The following NIBAN1 variants were observed in gnomAD, a reference collection of about 807,000 sequenced individuals.
NIBAN1 encodes niban apoptosis regulator 1, also known as protein Niban 1.
In NIBAN1, 81 loss-of-function variants were observed where a neutral mutation model predicts 75.1. The observed-to-expected ratio is 1.08, with a 90% CI of 0.90 to 1.30. The LOEUF is 1.30. Ranked by LOEUF, NIBAN1 falls within the 50% of genes most tolerant of loss-of-function variation. The pLI is 0.00. For missense variants in NIBAN1, 1,133 were observed against 1,128.1 expected, an observed-to-expected ratio of 1.00 and a Z score of -0.06; for synonymous variants, 436 against 424.8, an observed-to-expected ratio of 1.03 and a Z score of -0.32.
At chr1:184,898,008 T>C (rs550156213) in intron 2 of NIBAN1, among the ~76,000 whole-genome samples, 4 of 152,286 alleles carry the variant, frequency 2.6e-5, no homozygotes, top group African/African-American at 9.6e-5. Flanking sequence ...TAAAATTATA[T>C]GCCACTCTGT....
rs1558093440 is a variant in NIBAN1 at position 184,795,996 on chromosome 1, T to TG, written c.1767dup (p.Thr590HisfsTer22). On this transcript the variant is annotated frameshift_variant, in exon 14 of 14. Coordinates refer to ENST00000367511, the MANE Select transcript of NIBAN1 (RefSeq NM_052966.4). LOFTEE classifies it low-confidence loss of function (END_TRUNC). ...GCAGGGCTGGCCTGGTTTGACCCTG[T>TG]GGGGGGCTTTAGATCTGTTAAGCTG... 6.2e-7 allele frequency: 1 copy of TG among 1,613,648 alleles called. No homozygotes were observed. Among genetic ancestry groups the TG allele is most frequent in the East Asian group, 2.2e-5 (1 of 44,876 alleles).
rs1653697017 is a variant in NIBAN1, at chr1:184,791,570, A to C, written c.*3407T>G. On this transcript the variant is annotated 3_prime_UTR_variant, in exon 14 of 14. Transcript: ENST00000367511. ...CTCTGCTTAAAGCTACAAGGGAAAA[A>C]ATGACAAGCCCAGTTTTTTTCAAGG... 1 of 152,084 alleles carries C rather than the reference A, an allele frequency of 6.6e-6. No homozygotes were observed. The highest frequency in any genetic ancestry group is 1.5e-5 in the Non-Finnish European group (1 of 68,034). 9.4% of individuals were successfully genotyped at this position (152,084 alleles called of 1,614,324 possible).
chr1:184,961,223 C>T (rs935660758), intron 1 of NIBAN1, among the ~76,000 whole-genome samples: 2 of 151,928 alleles, frequency 1.3e-5, no homozygotes, highest in Admixed American at 6.6e-5. Flanking sequence ...CGCCTGCCGC[C>T]ACGCCTGGCT....
chr1:184,972,324 G>T (rs1340614224), intron 1 of NIBAN1, among the ~76,000 whole-genome samples: 1 of 152,102 alleles, frequency 6.6e-6, no homozygotes, highest in Non-Finnish European at 1.5e-5. Flanking sequence ...TAAAAAATGG[G>T]CAAAGAGGTA....
At chr1:184,953,728 G>C (rs895657885) in intron 1 of NIBAN1, among the ~76,000 whole-genome samples, 2 of 152,156 alleles carry the variant, frequency 1.3e-5, no homozygotes, top group Non-Finnish European at 2.9e-5. Flanking sequence ...GGAGTTTCTC[G>C]TGGAAGTGCC....
intron 9 of NIBAN1, among the ~76,000 whole-genome samples, chr1:184,817,502 A>G (rs567145909): frequency 5.2e-4 from 79 of 152,302 alleles, no homozygotes; most frequent in African/African-American, 1.7e-3. Flanking sequence ...GTGTAAAAGC[A>G]TTCCTATTTC....
intron 8 of NIBAN1, among the ~76,000 whole-genome samples, chr1:184,819,161 T>C (rs1654623551): frequency 6.6e-6 from 1 of 152,196 alleles, no homozygotes; most frequent in Non-Finnish European, 1.5e-5. Context: ...TCAATCACTA[T>C]CATTAAATAT....
Position 184,791,370 on chromosome 1 carries a change from C to A in NIBAN1, c.*3607G>T, listed in dbSNP as rs1227209291. 2 of 157,146 alleles carry A rather than the reference C, an allele frequency of 1.3e-5. No homozygotes were observed. The highest frequency in any genetic ancestry group is 2.4e-5 in the African/African-American group (1 of 41,444). 9.7% of individuals were successfully genotyped at this position (157,146 alleles called of 1,614,324 possible). On this transcript the variant is annotated 3_prime_UTR_variant, in exon 14 of 14. Transcript: ENST00000367511. The stretch of plus-strand genomic sequence containing the variant: ...CTTTTGTCTTGGGGAATTGTGAAAC[C>A]TTTTGAAATCACTAGCTCTGACATA...
intron 5 of NIBAN1, among the ~76,000 whole-genome samples, chr1:184,867,580 T>A (rs1009700759): frequency 1.3e-5 from 2 of 152,190 alleles, no homozygotes; most frequent in Non-Finnish European, 1.5e-5. Flanking sequence ...TAAGGTTACA[T>A]CCTGCTTGAC....
chr1:184,926,492 C>A (rs1311407985), intron 1 of NIBAN1, among the ~76,000 whole-genome samples: 1 of 152,202 alleles, frequency 6.6e-6, no homozygotes, highest in Non-Finnish European at 1.5e-5. Flanking sequence ...TCCACCTTGG[C>A]CTCCCAGAGT....
At chr1:184,971,309 T>C (rs1658930159) in intron 1 of NIBAN1, among the ~76,000 whole-genome samples, 1 of 151,376 alleles carries the variant, frequency 6.6e-6, no homozygotes, top group Admixed American at 6.6e-5. Flanking sequence ...AAAGAAAACA[T>C]GGCATAAAGA....
At chr1:184,951,604 C>T (rs1455309716) in intron 1 of NIBAN1, among the ~76,000 whole-genome samples, 1 of 152,054 alleles carries the variant, frequency 6.6e-6, no homozygotes, top group Non-Finnish European at 1.5e-5. Flanking sequence ...ACCATGTCTC[C>T]CTACCTCCAG....
intron 5 of NIBAN1, among the ~76,000 whole-genome samples, chr1:184,841,431 C>A (rs545201642): frequency 1.3e-5 from 2 of 152,290 alleles, no homozygotes; most frequent in African/African-American, 4.8e-5. Flanking sequence ...CTCCTCTGAG[C>A]TCATCATTCC....
At chr1:184,905,587 C>T (rs796807562) in intron 1 of NIBAN1, among the ~76,000 whole-genome samples, 3 of 152,140 alleles carry the variant, frequency 2.0e-5, no homozygotes, top group African/African-American at 7.2e-5. Flanking sequence ...CTTCTCTCCT[C>T]CTTTCTCCCC....
chr1:184,820,760 T>C (rs1416201637), intron 8 of NIBAN1, among the ~76,000 whole-genome samples: 1 of 152,230 alleles, frequency 6.6e-6, no homozygotes, highest in Non-Finnish European at 1.5e-5. Flanking sequence ...CACAACTAGC[T>C]CTGGAATCTC....
intron 5 of NIBAN1, among the ~76,000 whole-genome samples, chr1:184,883,608 G>T (rs1173575417): frequency 6.6e-6 from 1 of 152,222 alleles, no homozygotes; most frequent in African/African-American, 2.4e-5. Flanking sequence ...CATTGCTTAA[G>T]TCCATGCCTG....
At chr1:184,867,809 G>C (rs181749310) in intron 5 of NIBAN1, 3 of 962,702 alleles carry the variant, frequency 3.1e-6, no homozygotes, top group African/African-American at 3.5e-5. Flanking sequence ...CTGTGTTTTC[G>C]GTTTGTTTTG....
Position 184,896,279 on chromosome 1 carries a change from G to A in NIBAN1, c.187-2073C>T, listed in dbSNP as rs1009453342. 2.6e-5 allele frequency among the ~76,000 whole-genome samples: 4 copies of A among 151,960 alleles called. No individual in the cohort carries two copies. In the East Asian group the frequency reaches 5.8e-4, roughly 22 times the overall value. On this transcript the variant is annotated intron_variant, in intron 2 of 13. Transcript: ENST00000367511. ...CTGCTGTAAGATGATATCTTGGTGT[G>A]GTTTTAATATACATTTCTCTGATGA...
chr1:184,837,582 C>T (rs1238217189), intron 5 of NIBAN1, among the ~76,000 whole-genome samples: 1 of 152,156 alleles, frequency 6.6e-6, no homozygotes, highest in East Asian at 1.9e-4. Flanking sequence ...TAAAGGTCAC[C>T]TACCCCAAGC....
Sources: allele counts gnomAD v4.1 joint callset (sites outside exome capture counted in the v4.1 genomes callset), GRCh38; gene constraint gnomAD v4.1.1; transcripts MANE v1.5; gene names NCBI Gene and HGNC (gene_info 2026-07-23, HGNC 2026-07-21).